Variants in FGGY observed in about 807,000 individuals in gnomAD.
The protein encoded by FGGY is FGGY carbohydrate kinase domain-containing protein.
A neutral mutation model predicts 71.3 loss-of-function variants in FGGY; 72 were observed. The observed-to-expected ratio is 1.01, with a 90% CI of 0.84 to 1.23. The LOEUF (loss-of-function observed/expected upper bound fraction) is 1.23. FGGY is among the 50% of genes most tolerant of loss of function. The pLI, the probability that FGGY is intolerant of heterozygous loss-of-function variation, is 0.00. For synonymous variants in FGGY, 251 were observed against 250.3 expected, an observed-to-expected ratio of 1.00 and a Z score of -0.02; for missense variants, 668 against 682.3, an observed-to-expected ratio of 0.98 and a Z score of 0.23.
chr1:59,520,513 C>T (rs756096443), intron 7 of FGGY, among the ~76,000 whole-genome samples: 2 of 152,186 alleles, frequency 1.3e-5, no homozygotes, highest in Non-Finnish European at 2.9e-5. Context: ...ACCAATCACT[C>T]TCTATGCTGT....
rs79784603 is a variant in FGGY, at chr1:59,378,264, C to A, written c.466-485C>A. 2.6e-5 allele frequency among the ~76,000 whole-genome samples: 4 copies of A among 152,044 alleles called. No homozygotes were observed. The East Asian group carries it at 7.7e-4, about 29-fold the overall frequency. ...GTGGGAGATAATTGAATCATGAGGGCAGTTTTCCCCATGCTGTTCTCGTGG... is the reference window on the plus strand; with the variant it reads ...GTGGGAGATAATTGAATCATGAGGGAAGTTTTCCCCATGCTGTTCTCGTGG... On this transcript the variant is annotated intron_variant, in intron 4 of 15. Transcript: ENST00000303721.
At chr1:59,324,959 T>TAATGTTTGTTGAGTACATAAATG (rs1177502039) in intron 2 of FGGY, among the ~76,000 whole-genome samples, 22 of 152,340 alleles carry the variant, frequency 1.4e-4, no homozygotes, top group Non-Finnish European at 3.1e-4. Flanking sequence ...TGTGTTCAAT[T>TAATGTTTGTTGAGTACATAAATG]AATGTTTGTT....
chr1:59,325,197 C>CG (rs2047174997), intron 2 of FGGY, among the ~76,000 whole-genome samples: 1 of 149,732 alleles, frequency 6.7e-6, no homozygotes, highest in African/African-American at 2.5e-5. Flanking sequence ...ACTAAAAATA[C>CG]AAAAAAAAAA....
In FGGY at chr1:59,535,054, A is replaced by G. The variant is rs1191453768; in HGVS notation, c.800-19070A>G. Among the ~76,000 whole-genome samples the G allele has an allele frequency of 2.0e-5, 3 of 152,318 alleles. No individual in the cohort carries two copies. The East Asian group carries it at 5.8e-4, about 29-fold the overall frequency. On this transcript the variant is annotated intron_variant, in intron 7 of 15. Coordinates refer to ENST00000303721, the MANE Select transcript of FGGY (RefSeq NM_018291.5). The stretch of plus-strand genomic sequence containing the variant: ...AGACTGGCAAATTGGATAAAGAGTC[A>G]AGACCCATCAGTGTGCTGTATTCAG...
chr1:59,608,163 CAG>C (rs2096641739), intron 9 of FGGY, among the ~76,000 whole-genome samples: 1 of 152,170 alleles, frequency 6.6e-6, no homozygotes, highest in African/African-American at 2.4e-5. Flanking sequence ...CCATTTTTCT[CAG>C]AGTGATGAGA....
At chr1:59,714,698 TGA>T (rs2097829491) in intron 14 of FGGY, among the ~76,000 whole-genome samples, 1 of 151,150 alleles carries the variant, frequency 6.6e-6, no homozygotes, top group African/African-American at 2.4e-5. Flanking sequence ...GACTTTGGAG[TGA>T]GTGTAGAAAA....
chr1:59,636,516 G>C (rs531298685), intron 10 of FGGY, among the ~76,000 whole-genome samples: 30 of 152,184 alleles, frequency 2.0e-4, no homozygotes, highest in African/African-American at 7.0e-4. Flanking sequence ...CCAGCTACTC[G>C]GGAGGCTGAG....
At chr1:59,474,327 G>T (rs2093152375) in intron 6 of FGGY, 2 of 152,216 alleles carry the variant, frequency 1.3e-5, no homozygotes, top group African/African-American at 4.8e-5. Flanking sequence ...TGGAGAATCA[G>T]CGATTGTCAG....
At chr1:59,467,042 ACG>A (rs1572520812) in intron 6 of FGGY, among the ~76,000 whole-genome samples, 1 of 152,168 alleles carries the variant, frequency 6.6e-6, no homozygotes, top group Non-Finnish European at 1.5e-5. Context: ...CTATAAAGAC[ACG>A]CGTACACGTA....
intron 8 of FGGY, among the ~76,000 whole-genome samples, chr1:59,591,884 G>C (rs2096447869): frequency 6.6e-6 from 1 of 152,166 alleles, no homozygotes; most frequent in African/African-American, 2.4e-5. Context: ...CATGGGCAAG[G>C]ACTTCATGTC....
At chr1:59,410,332 A>T (rs967033169) in intron 5 of FGGY, among the ~76,000 whole-genome samples, 3 of 152,142 alleles carry the variant, frequency 2.0e-5, no homozygotes, top group African/African-American at 7.2e-5. Context: ...TTCTAGGTTA[A>T]CCTTATGACA....
chr1:59,504,451 T>G (rs2153614659), intron 6 of FGGY, among the ~76,000 whole-genome samples: 1 of 152,282 alleles, frequency 6.6e-6, no homozygotes, highest in African/African-American at 2.4e-5. Context: ...CTTCAATCTG[T>G]GAGATCTGAT....
In FGGY at chr1:59,732,705, T is replaced by C. The variant is rs28579557; in HGVS notation, c.1513-25226T>C. ...GAAGGTATTCAGGAGCTTAGCTAGT[T>C]GGTTAGTTGATTACTTTATGCAGAC... On this transcript the variant is annotated intron_variant, in intron 14 of 15. Coordinates refer to ENST00000303721, the MANE Select transcript of FGGY (RefSeq NM_018291.5). Among the ~76,000 whole-genome samples, 410 of 152,116 alleles carry C rather than the reference T, an allele frequency of 2.7e-3. 2 individuals carry two copies. Among genetic ancestry groups the C allele is most frequent in the African/African-American group, 9.3e-3 (386 of 41,498 alleles).
chr1:59,480,152 A>T (rs2093417638), intron 6 of FGGY, among the ~76,000 whole-genome samples: 2 of 152,198 alleles, frequency 1.3e-5, no homozygotes, highest in Non-Finnish European at 2.9e-5. Flanking sequence ...AGCCAGCATG[A>T]ACTTTTTATA....
chr1:59,542,483 G>A (rs996347911), intron 7 of FGGY, among the ~76,000 whole-genome samples: 1 of 89,462 alleles, frequency 1.1e-5, no homozygotes, highest in East Asian at 3.1e-4. Flanking sequence ...TTTTGAGATG[G>A]AGTTTCACTC....
In FGGY at chr1:59,493,688, A is replaced by C. The variant is rs560127506; in HGVS notation, c.671-18623A>C. Among the ~76,000 whole-genome samples, 102 of 152,330 alleles carry C rather than the reference A, an allele frequency of 6.7e-4. No individual in the cohort carries two copies. In the Middle Eastern group the frequency reaches 0.024, roughly 36 times the overall value. On this transcript the variant is annotated intron_variant, in intron 6 of 15. Transcript: ENST00000303721. ...ATGGATATAGAGTTTCAGTTTTGCA[A>C]GATGAAAAATGTTCTAGAAATGGGT...
intron 14 of FGGY, among the ~76,000 whole-genome samples, chr1:59,708,836 G>C (rs779895691): frequency 3.9e-5 from 6 of 152,146 alleles, no homozygotes; most frequent in Non-Finnish European, 8.8e-5. Context: ...ACACCCAAAT[G>C]TCATGCTCAA....
chr1:59,536,957 C>G (rs950729643), intron 7 of FGGY, among the ~76,000 whole-genome samples: 7 of 152,006 alleles, frequency 4.6e-5, no homozygotes, highest in Non-Finnish European at 7.4e-5. Context: ...TGCCCTCTCT[C>G]ACCACTCCTA....
At chr1:59,488,864 A>G (rs1361880941) in intron 6 of FGGY, among the ~76,000 whole-genome samples, 2 of 152,142 alleles carry the variant, frequency 1.3e-5, no homozygotes, top group East Asian at 3.9e-4. Context: ...CTCTTGGTGT[A>G]TATTGTCAAG....
Sources: gnomAD v4.1 joint callset for allele counts (sites outside exome capture counted in the v4.1 genomes callset) on GRCh38, gnomAD v4.1.1 for gene constraint, MANE v1.5 for transcripts, NCBI Gene and HGNC (gene_info 2026-07-23, HGNC 2026-07-21) for gene names.